PALS2: variants seen among roughly 807,000 people sequenced by gnomAD.
PALS2 encodes the protein protein PALS2.
In PALS2, 27 loss-of-function variants were observed where a neutral mutation model predicts 61.6. That is an observed-to-expected ratio of 0.44 (90% CI 0.32 to 0.60). PALS2 has a LOEUF of 0.60. Ranked by LOEUF, PALS2 falls within the 20% of genes least tolerant of loss-of-function variation. The pLI is 0.05. For missense variants in PALS2, 554 were observed against 639.4 expected (o/e 0.87, Z 1.44); for synonymous variants, 236 against 218.6 (o/e 1.08, Z -0.70).
intron 9 of PALS2, among the ~76,000 whole-genome samples, chr7:24,671,969 A>C (rs575856567): frequency 6.6e-6 from 1 of 151,782 alleles, no homozygotes; most frequent in African/African-American, 2.4e-5. Context: ...CAAAACCAGG[A>C]ATTGTGAACC....
At chr7:24,648,670 C>T (rs1785971617) in intron 3 of PALS2, among the ~76,000 whole-genome samples, 1 of 151,894 alleles carries the variant, frequency 6.6e-6, no homozygotes, top group African/African-American at 2.4e-5. Flanking sequence ...CCTTGGGAGG[C>T]CGAGGTGGGC....
intron 5 of PALS2, among the ~76,000 whole-genome samples, chr7:24,654,230 A>G (rs942878567): frequency 5.9e-5 from 9 of 151,784 alleles, no homozygotes; most frequent in African/African-American, 2.2e-4. Flanking sequence ...AAAAGAAACT[A>G]GAGAAGGATG....
chr7:24,668,474 T>C (rs1165211714), intron 8 of PALS2, 25 bp from the exon 9 acceptor site: 16 of 1,597,806 alleles, frequency 1.0e-5, no homozygotes, highest in Non-Finnish European at 1.3e-5. Flanking sequence ...GTTGACTTTG[T>C]ATTCCCATTT....
intron 2 of PALS2, among the ~76,000 whole-genome samples, chr7:24,639,305 G>GCCAT (rs1358877571): frequency 1.3e-5 from 2 of 152,114 alleles, no homozygotes; most frequent in Admixed American, 1.3e-4. Context: ...ACTTGACTCT[G>GCCAT]CCATTCACCA....
Position 24,679,267 on chromosome 7 carries a change from C to T in PALS2, c.1251C>T (p.Thr417=). ...HGEYEGNLYG[T]KIDSILEVVQ... is the part of the protein sequence containing the mutation. Reference sequence around the variant, plus strand: ...AATATGAAGGAAATCTCTATGGAACCAAAATTGATTCTATTCTTGAGGTTG... The same window carrying T: ...AATATGAAGGAAATCTCTATGGAACTAAAATTGATTCTATTCTTGAGGTTG... Residue 417 remains threonine, a synonymous_variant, in exon 10 of 12, where the codon ACC becomes ACT. Transcript: ENST00000222644. 5 of 1,614,046 alleles carry T rather than the reference C, an allele frequency of 3.1e-6. No individual in the cohort carries two copies. Among genetic ancestry groups the T allele is most frequent in the Non-Finnish European group, 4.2e-6 (5 of 1,179,954 alleles).
intron 1 of PALS2, among the ~76,000 whole-genome samples, chr7:24,613,768 G>T (rs1784196082): frequency 6.6e-6 from 1 of 151,632 alleles, no homozygotes; most frequent in Non-Finnish European, 1.5e-5. Flanking sequence ...CCTGCCTCTA[G>T]TAACCTCTGT....
intron 2 of PALS2, among the ~76,000 whole-genome samples, chr7:24,636,039 C>T (rs963613159): frequency 3.9e-5 from 6 of 151,924 alleles, no homozygotes; most frequent in Admixed American, 2.0e-4. Flanking sequence ...TGGAGAAACC[C>T]TGTCTCTACT....
At chr7:24,598,513 A>G (rs532754028) in intron 1 of PALS2, among the ~76,000 whole-genome samples, 2 of 152,210 alleles carry the variant, frequency 1.3e-5, no homozygotes, top group African/African-American at 4.8e-5. Flanking sequence ...TTCTTTCACT[A>G]CATTGAACAA....
Position 24,691,207 on chromosome 7 carries a change from TC to T in PALS2, c.*3594del, listed in dbSNP as rs1430640602. Reference sequence around the variant, plus strand: ...TTTTGAAAATTGCTCAAAATAATAATCTACTTAAATTTTACTTTTGTAACTT... The same window carrying T: ...TTTTGAAAATTGCTCAAAATAATAATTACTTAAATTTTACTTTTGTAACTT... On this transcript the variant is annotated 3_prime_UTR_variant, in exon 12 of 12. Coordinates refer to ENST00000222644, the MANE Select transcript of PALS2 (RefSeq NM_001303037.2). The T allele has an allele frequency of 2.6e-5, 4 of 151,812 alleles. No homozygotes were observed. The highest frequency in any genetic ancestry group is 9.7e-5 in the African/African-American group (4 of 41,378). 9.4% of individuals were successfully genotyped at this position (151,812 alleles called of 1,614,324 possible). A position where few individuals can be genotyped will look rare whatever the true frequency, so the allele number is the denominator to read the frequency against.
intron 3 of PALS2, among the ~76,000 whole-genome samples, chr7:24,644,495 G>GGT (rs1309158461): frequency 5.1e-4 from 76 of 149,362 alleles, no homozygotes; most frequent in African/African-American, 1.3e-3. Flanking sequence ...GGTATTCCAT[G>GGT]GTGTGTGTGT....
At chr7:24,666,267 T>C (rs956392215) in intron 8 of PALS2, among the ~76,000 whole-genome samples, 178 bp downstream of exon 8, 1 of 152,190 alleles carries the variant, frequency 6.6e-6, no homozygotes, top group Admixed American at 6.5e-5. Flanking sequence ...ACCCACATTA[T>C]ATATACTACC....
chr7:24,597,623 A>AGG (rs1783571117), intron 1 of PALS2, among the ~76,000 whole-genome samples: 1 of 152,210 alleles, frequency 6.6e-6, no homozygotes, highest in African/African-American at 2.4e-5. Context: ...TTAGAGGAAT[A>AGG]ACCCATGGAT....
intron 5 of PALS2, among the ~76,000 whole-genome samples, chr7:24,653,553 G>A (rs1342161650): frequency 2.0e-5 from 3 of 151,924 alleles, no homozygotes; most frequent in Admixed American, 1.3e-4. Context: ...TTCCACTTTC[G>A]TTTTCATTAT....
Position 24,691,673 on chromosome 7 carries a change from A to G in PALS2, c.*4059A>G, listed in dbSNP as rs111614532. The G allele has an allele frequency of 3.3e-5, 5 of 151,778 alleles. No individual in the cohort carries two copies. The highest frequency in any genetic ancestry group is 1.2e-4 in the African/African-American group (5 of 41,460). 9.4% of individuals were successfully genotyped at this position (151,778 alleles called of 1,614,324 possible). ...TCAGAAAGTAGTCATTATTATAATA[A>G]ATTTAATTTTCTTAGGGAAAAAGGG... On this transcript the variant is annotated 3_prime_UTR_variant, in exon 12 of 12. Transcript: ENST00000222644.
At chr7:24,623,914 C>A in intron 2 of PALS2, 130 bp downstream of exon 2, 2 of 949,590 alleles carry the variant, frequency 2.1e-6, no homozygotes, top group Non-Finnish European at 3.2e-6. Flanking sequence ...AAACATTCAG[C>A]ACATAATGAA....
At chr7:24,679,903 T>A (rs1787827954) in intron 10 of PALS2, among the ~76,000 whole-genome samples, 1 of 152,214 alleles carries the variant, frequency 6.6e-6, no homozygotes, top group Non-Finnish European at 1.5e-5. Context: ...CTGTTTTTGT[T>A]GTTTCTTTTT....
chr7:24,639,814 ATTTT>A (rs61073575), intron 2 of PALS2, among the ~76,000 whole-genome samples: 23 of 96,254 alleles, frequency 2.4e-4, no homozygotes, highest in African/African-American at 7.7e-4. Context: ...TTCTAGTCTA[ATTTT>A]TTTTTTTTTT....
Position 24,599,617 on chromosome 7 carries a change from G to A in PALS2, c.-2-24049G>A, listed in dbSNP as rs182870130. On this transcript the variant is annotated intron_variant, in intron 1 of 11. Transcript: ENST00000222644. ...CCTCCTGGGTTCCAGTGATTTTCCC[G>A]TCCCAGCCTCCCAAGTAGCTGGGAT... Among the ~76,000 whole-genome samples, 315 of 144,912 alleles carry A rather than the reference G, an allele frequency of 2.2e-3. 2 individuals are homozygous for A. The highest frequency in any genetic ancestry group is 6.7e-3 in the African/African-American group (260 of 38,662).
chr7:24,577,820 C>G (rs1355898903), intron 1 of PALS2, among the ~76,000 whole-genome samples: 1 of 152,116 alleles, frequency 6.6e-6, no homozygotes, highest in African/African-American at 2.4e-5. Flanking sequence ...ATCCCATTAC[C>G]TTTTTTACTT....
Sources: allele counts gnomAD v4.1 joint callset (sites outside exome capture counted in the v4.1 genomes callset), GRCh38; gene constraint gnomAD v4.1.1; transcripts MANE v1.5; gene names NCBI Gene and HGNC (gene_info 2026-07-23, HGNC 2026-07-21).